Variants in RNF216 observed in about 807,000 individuals in gnomAD.
RNF216 encodes ring finger protein 216.
RNF216 carries 72 observed loss-of-function variants against 110.8 expected under a neutral mutation model. The ratio of observed to expected loss-of-function variants is 0.65; its 90% CI spans 0.54 to 0.79. RNF216 has a LOEUF of 0.79. RNF216 is among the 30% of genes least tolerant of loss of function. RNF216 has a pLI of 0.00. For synonymous variants in RNF216, 495 were observed against 407.5 expected (o/e 1.21, Z -2.59); for missense variants, 1,342 against 1,141.2 (o/e 1.18, Z -2.54).
At chr7:5,763,787 G>A (rs1026270793) in intron 1 of RNF216, among the ~76,000 whole-genome samples, 3 of 152,096 alleles carry the variant, frequency 2.0e-5, no homozygotes, top group Non-Finnish European at 4.4e-5. Context: ...TGCCCAGGCT[G>A]GTTTGGATAT....
Position 5,724,037 on chromosome 7 carries a change from C to A in RNF216, c.1504+1287G>T, listed in dbSNP as rs567182867. The stretch of plus-strand genomic sequence containing the variant: ...CTATACCTAAAACAAGAAACTGAAT[C>A]AAATGAAATGAAGTTAATGGGAAAA... On this transcript the variant is annotated intron_variant, in intron 8 of 16. Coordinates refer to ENST00000389902, the MANE Select transcript of RNF216 (RefSeq NM_207111.4). Among the ~76,000 whole-genome samples the A allele has an allele frequency of 2.0e-5, 3 of 152,264 alleles. No homozygotes were observed. The East Asian group carries it at 5.8e-4, about 29-fold the overall frequency.
chr7:5,625,726 C>T lies in RNF216; in HGVS notation c.2383-1601G>A, dbSNP rs143807923. Among the ~76,000 whole-genome samples the T allele has an allele frequency of 7.3e-3, 1,108 of 152,288 alleles. 11 individuals carry two copies. Among genetic ancestry groups the T allele is most frequent in the Middle Eastern group, 0.014 (4 of 294 alleles). On this transcript the variant is annotated intron_variant, in intron 15 of 16. Transcript: ENST00000389902. Reference sequence around the variant, plus strand: ...TAAGTTTGCTGATTAAACTTCAGATCAACAATGAAACAGAAAGGCAGATGG... The same window carrying T: ...TAAGTTTGCTGATTAAACTTCAGATTAACAATGAAACAGAAAGGCAGATGG...
chr7:5,720,144 C>T (rs10807950), intron 9 of RNF216, among the ~76,000 whole-genome samples: 148,760 of 152,328 alleles, frequency 0.98, 72,665 homozygotes, highest in Middle Eastern at 0.99. Flanking sequence ...CTGGTACAAA[C>T]TCAATATGGT....
At chr7:5,780,904 G>GT (rs1189254083) in intron 1 of RNF216, among the ~76,000 whole-genome samples, 1 of 152,158 alleles carries the variant, frequency 6.6e-6, no homozygotes, top group Non-Finnish European at 1.5e-5. Flanking sequence ...CCCTGGTCCT[G>GT]TTCCACCGGG....
chr7:5,742,586 CTTTTTTTTT>C (rs59545890), intron 3 of RNF216, among the ~76,000 whole-genome samples: 4 of 65,994 alleles, frequency 6.1e-5, no homozygotes, highest in Middle Eastern at 0.013. Flanking sequence ...GGTGAAAAAT[CTTTTTTTTT>C]TTTTTTTTTT....
Position 5,621,314 on chromosome 7 carries a change from A to G in RNF216, c.*1546T>C, listed in dbSNP as rs1444463810. 6.6e-6 allele frequency: 1 copy of G among 152,044 alleles called. No individual in the cohort carries two copies. The highest frequency in any genetic ancestry group is 1.9e-4 in the East Asian group (1 of 5,156). The allele number at this position is 152,044 out of a possible 1,614,324, so 9.4% of individuals were successfully genotyped here. A position where few individuals can be genotyped will look rare whatever the true frequency, so the allele number is the denominator to read the frequency against. On this transcript the variant is annotated 3_prime_UTR_variant, in exon 17 of 17. Transcript: ENST00000389902. ...CTCAGCCTCCTGAGTACCTGGGATT[A>G]TAGGCATGCGCCACCTTGTCCGGCT... is the stretch of plus-strand genomic sequence containing the variant.
In RNF216 at chr7:5,721,110, A is replaced by C; in HGVS notation, c.1567T>G (p.Tyr523Asp). 1.2e-6 allele frequency: 2 copies of C among 1,614,048 alleles called. No homozygotes were observed. Among genetic ancestry groups the C allele is most frequent in the Non-Finnish European group, 1.7e-6 (2 of 1,179,888 alleles). ...LENKRRHCRS[Y>D]DRRALLPAVQ... ...GCTGGAAGGAGAGCACGTCGGTCAT[A>C]GGACCTACAATGTCGTCGCTTATTT... The change falls in exon 9 of 17, where the codon TAT becomes GAT. Residue 523 changes from tyrosine to aspartate, a missense_variant. By Grantham distance (160) the Tyr-to-Asp change is radical. Coordinates refer to ENST00000389902, the MANE Select transcript of RNF216 (RefSeq NM_207111.4).
intron 13 of RNF216, among the ~76,000 whole-genome samples, chr7:5,692,827 A>C (rs1791415770): frequency 6.6e-6 from 1 of 152,246 alleles, no homozygotes; most frequent in Non-Finnish European, 1.5e-5. Flanking sequence ...TTCAGACATG[A>C]CTAAGTTAAT....
At chr7:5,781,203 GCC>G (rs1797069328) in intron 1 of RNF216, among the ~76,000 whole-genome samples, 2 of 152,130 alleles carry the variant, frequency 1.3e-5, no homozygotes, top group South Asian at 4.1e-4. Flanking sequence ...GCGGCCTCGG[GCC>G]CGGGGGAGGG....
At chr7:5,710,276 C>T (rs1414866298) in intron 13 of RNF216, among the ~76,000 whole-genome samples, 1 of 151,866 alleles carries the variant, frequency 6.6e-6, no homozygotes, top group Non-Finnish European at 1.5e-5. Flanking sequence ...AGGAGAACTG[C>T]TTGAAGCCAG....
intron 5 of RNF216, among the ~76,000 whole-genome samples, chr7:5,735,962 G>A (rs1471829362): frequency 2.6e-5 from 4 of 152,136 alleles, no homozygotes; most frequent in Non-Finnish European, 2.9e-5. Flanking sequence ...ACATGATGGC[G>A]CATGCCTGTA....
intron 2 of RNF216, among the ~76,000 whole-genome samples, chr7:5,756,310 C>A (rs1437885019): frequency 6.6e-6 from 1 of 152,226 alleles, no homozygotes; most frequent in African/African-American, 2.4e-5. Context: ...TACCCAGTCT[C>A]AGGCATTTCT....
intron 13 of RNF216, among the ~76,000 whole-genome samples, chr7:5,663,405 C>A (rs1035085236): frequency 6.6e-6 from 1 of 151,652 alleles, no homozygotes; most frequent in African/African-American, 2.4e-5. Context: ...ACGGTGAAAC[C>A]CCCGTCTCTA....
intron 13 of RNF216, among the ~76,000 whole-genome samples, chr7:5,665,460 T>G (rs942864183): frequency 2.0e-5 from 3 of 151,938 alleles, no homozygotes; most frequent in African/African-American, 7.3e-5. Context: ...AATCTTGAAG[T>G]GTTATTTCTG....
intron 13 of RNF216, among the ~76,000 whole-genome samples, chr7:5,698,585 G>A (rs10276132): frequency 0.061 from 9,267 of 152,122 alleles, 942 homozygotes; most frequent in African/African-American, 0.21. Flanking sequence ...GTAGAGACGA[G>A]GTTGTGCTTT....
chr7:5,778,725 C>T (rs1796912895), intron 1 of RNF216, among the ~76,000 whole-genome samples: 1 of 150,466 alleles, frequency 6.6e-6, no homozygotes, highest in Non-Finnish European at 1.5e-5. Flanking sequence ...TATTTTTCAG[C>T]ACCTCAGTTT....
At chr7:5,720,313 T>C (rs548446030) in intron 9 of RNF216, among the ~76,000 whole-genome samples, 3 of 152,266 alleles carry the variant, frequency 2.0e-5, no homozygotes, top group Admixed American at 1.3e-4. Context: ...GATAAAGACC[T>C]TCTCATGCTG....
chr7:5,693,508 C>T (rs539945700), intron 13 of RNF216, among the ~76,000 whole-genome samples: 2 of 152,222 alleles, frequency 1.3e-5, no homozygotes, highest in South Asian at 4.1e-4. Flanking sequence ...TGCTAAGAAG[C>T]TCCAAGACAT....
At chr7:5,746,034 G>A (rs1795012975) in intron 3 of RNF216, among the ~76,000 whole-genome samples, 1 of 152,136 alleles carries the variant, frequency 6.6e-6, no homozygotes, top group African/African-American at 2.4e-5. Context: ...GACAGGTCTG[G>A]CAACCCAAAG....
Sources: gnomAD v4.1 joint callset for allele counts (sites outside exome capture counted in the v4.1 genomes callset) on GRCh38, gnomAD v4.1.1 for gene constraint, MANE v1.5 for transcripts, NCBI Gene and HGNC (gene_info 2026-07-23, HGNC 2026-07-21) for gene names.